The following NEXMIF variants were observed in gnomAD, a reference collection of about 807,000 sequenced individuals.
The protein encoded by NEXMIF is XLMR protein related to neurite extension.
Under a neutral mutation model 62.1 loss-of-function variants are expected in NEXMIF, and 8 were observed. The observed-to-expected ratio is 0.13, with a 90% CI of 0.08 to 0.23. The LOEUF (loss-of-function observed/expected upper bound fraction) is 0.23. Ranked by LOEUF, NEXMIF falls within the 10% of genes least tolerant of loss-of-function variation. The pLI, the probability that NEXMIF is intolerant of heterozygous loss-of-function variation, is 1.00. For missense variants in NEXMIF, 976 were observed against 1,113.3 expected (o/e 0.88, Z 1.75); for synonymous variants, 404 against 416.6 (o/e 0.97, Z 0.37).
At position 74,736,218 on chromosome X, in the gene NEXMIF, C is replaced by T. The variant is rs1306706366; in HGVS notation, c.*3187G>A. On this transcript the variant is annotated 3_prime_UTR_variant, in exon 4 of 4. Transcript: ENST00000055682. ...ATTAAAAAATTAGATTTGAAAATAG[C>T]CAAAGCAATTAAAGGCAATTAAGAA... 9.0e-6 allele frequency: 1 copy of T among 110,825 alleles called. No homozygotes were observed. The highest frequency in any genetic ancestry group is 3.3e-5 in the African/African-American group (1 of 30,524). 9.1% of individuals were successfully genotyped at this position (110,825 alleles called of 1,213,427 possible). A position where few individuals can be genotyped will look rare whatever the true frequency, so the allele number is the denominator to read the frequency against.
chrX:74,841,867 T>C (rs2080475088), intron 1 of NEXMIF, among the ~76,000 whole-genome samples: 2 of 111,765 alleles, frequency 1.8e-5, no homozygotes, highest in South Asian at 3.8e-4. Flanking sequence ...GACGTGCTGC[T>C]GGATTCGGTT....
At chrX:74,864,017 G>C (rs2080567870) in intron 1 of NEXMIF, among the ~76,000 whole-genome samples, 2 of 111,993 alleles carry the variant, frequency 1.8e-5, no homozygotes, top group African/African-American at 6.5e-5. Flanking sequence ...AAACCACATT[G>C]ATTATCTCAA....
chrX:74,834,757 TTTGA>T lies in NEXMIF; in HGVS notation c.-47-89064_-47-89061del, dbSNP rs760014754. ...TTCTTTATCCTTGACCTTTAGGAGGTTTGATTATTAGATGCCTTGAGGTAGTCTT... is the reference window on the plus strand; with the variant it reads ...TTCTTTATCCTTGACCTTTAGGAGGTTTATTAGATGCCTTGAGGTAGTCTT... On this transcript the variant is annotated intron_variant, in intron 1 of 3. Coordinates refer to ENST00000055682, the MANE Select transcript of NEXMIF (RefSeq NM_001008537.3). Among the ~76,000 whole-genome samples, 29 of 111,478 alleles carry T rather than the reference TTTGA, an allele frequency of 2.6e-4. No individual in the cohort carries two copies. The East Asian group carries it at 7.1e-3, about 27-fold the overall frequency.
At chrX:74,817,106 T>C (rs2080378470) in intron 1 of NEXMIF, among the ~76,000 whole-genome samples, 1 of 112,203 alleles carries the variant, frequency 8.9e-6, no homozygotes, top group South Asian at 3.7e-4. Flanking sequence ...GATTCAGATT[T>C]TTTTTTTAAG....
chrX:74,811,320 C>T (rs1443728247), intron 1 of NEXMIF, among the ~76,000 whole-genome samples: 3 of 111,447 alleles, frequency 2.7e-5, no homozygotes, highest in Non-Finnish European at 3.8e-5. Flanking sequence ...ATATGACTTC[C>T]CCTTCCATTT....
At chrX:74,846,028 CAAATAG>C (rs2080490854) in intron 1 of NEXMIF, among the ~76,000 whole-genome samples, 1 of 112,203 alleles carries the variant, frequency 8.9e-6, no homozygotes, top group African/African-American at 3.2e-5. Context: ...CAATAATTTT[CAAATAG>C]AAACTATTAG....
chrX:74,917,567 G>C (rs766889787), intron 1 of NEXMIF, among the ~76,000 whole-genome samples: 7 of 111,309 alleles, frequency 6.3e-5, no homozygotes, highest in Non-Finnish European at 1.1e-4. Context: ...TAGATATCCA[G>C]GATGAAATAC....
At chrX:74,834,913 C>T in intron 1 of NEXMIF, among the ~76,000 whole-genome samples, 1 of 111,521 alleles carries the variant, frequency 9.0e-6, no homozygotes. Flanking sequence ...GTTTCTCTAT[C>T]CCCCATCTAA....
intron 1 of NEXMIF, among the ~76,000 whole-genome samples, chrX:74,872,443 G>A (rs1237378865): frequency 9.4e-6 from 1 of 105,895 alleles, no homozygotes; most frequent in Non-Finnish European, 1.9e-5. Context: ...GTAGTGTGTG[G>A]GTGGGGGGTG....
intron 2 of NEXMIF, 96 bp from the exon 3 acceptor site, chrX:74,744,573 CTTA>C: frequency 3.5e-6 from 2 of 577,615 alleles, no homozygotes; most frequent in East Asian, 3.6e-5. Flanking sequence ...GGTACTTGAT[CTTA>C]TTATATAAGC....
At chrX:74,838,641 T>A (rs2080464590) in intron 1 of NEXMIF, among the ~76,000 whole-genome samples, 1 of 111,775 alleles carries the variant, frequency 8.9e-6, no homozygotes, top group Non-Finnish European at 1.9e-5. Context: ...TGTACACAGC[T>A]TTTGCTGTGC....
chrX:74,870,885 C>A (rs1245225190), intron 1 of NEXMIF, among the ~76,000 whole-genome samples: 1 of 111,900 alleles, frequency 8.9e-6, no homozygotes, highest in Non-Finnish European at 1.9e-5. Context: ...TATATTAGTA[C>A]AATCGCTATG....
intron 1 of NEXMIF, among the ~76,000 whole-genome samples, chrX:74,898,648 G>T (rs180911182): frequency 9.0e-6 from 1 of 111,582 alleles, no homozygotes; most frequent in Non-Finnish European, 1.9e-5. Flanking sequence ...GGGTATGTGG[G>T]AATTTTCTTT....
At chrX:74,745,755 A>G in intron 1 of NEXMIF, 58 bp from the exon 2 acceptor site, 3 of 543,266 alleles carry the variant, frequency 5.5e-6, no homozygotes, top group Non-Finnish European at 9.3e-6. Flanking sequence ...TGTGTTTTAT[A>G]GGTTATTTCA....
intron 1 of NEXMIF, among the ~76,000 whole-genome samples, chrX:74,796,749 C>T (rs1204743648): frequency 9.0e-6 from 1 of 111,276 alleles, no homozygotes; most frequent in Non-Finnish European, 1.9e-5. Flanking sequence ...CCCACATATA[C>T]AGCATAAATA....
intron 1 of NEXMIF, among the ~76,000 whole-genome samples, chrX:74,917,698 G>C (rs1221425205): frequency 8.9e-6 from 1 of 111,825 alleles, no homozygotes; most frequent in Non-Finnish European, 1.9e-5. Context: ...ATTGGTGCTA[G>C]AAAGAGTTCC....
chrX:74,734,441 A>G lies in NEXMIF; in HGVS notation c.*4964T>C, dbSNP rs2080080176. On this transcript the variant is annotated 3_prime_UTR_variant, in exon 4 of 4. Coordinates refer to ENST00000055682, the MANE Select transcript of NEXMIF (RefSeq NM_001008537.3). Reference sequence around the variant, plus strand: ...GAGTGAAAAACAAAAGGCCTCTTCTAGTTTTCATTCTAAGCCTTTTTTTGT... The same window carrying G: ...GAGTGAAAAACAAAAGGCCTCTTCTGGTTTTCATTCTAAGCCTTTTTTTGT... 8.9e-6 allele frequency: 1 copy of G among 112,264 alleles called. No homozygotes were observed. Among genetic ancestry groups the G allele is most frequent in the African/African-American group, 3.2e-5 (1 of 30,908 alleles). 9.3% of individuals were successfully genotyped at this position (112,264 alleles called of 1,213,427 possible). A position where few individuals can be genotyped will look rare whatever the true frequency, so the allele number is the denominator to read the frequency against.
In NEXMIF at chrX:74,740,483, C is replaced by G. The variant is rs1315310568; in HGVS notation, c.4074G>C (p.Glu1358Asp). Residue 1358 changes from glutamate (E) to aspartate (D), a missense_variant, in exon 3 of 4, where the codon GAG (glutamate) becomes GAC (aspartate). By Grantham distance (45) the Glu-to-Asp change is conservative. Coordinates refer to ENST00000055682, the MANE Select transcript of NEXMIF (RefSeq NM_001008537.3). The stretch of plus-strand genomic sequence containing the variant: ...GGGTTTTTAATTTTAGACTATTGGA[C>G]TCAGGGGAGTAGAATATGTTGGGAT... ...HGDPNIFYSP[E>D]SNSLKLKTLK... 8.3e-7 allele frequency: 1 copy of G among 1,211,460 alleles called. No individual in the cohort carries two copies. The highest frequency in any genetic ancestry group is 2.2e-5 in the Admixed American group (1 of 46,013).
chrX:74,884,296 T>A (rs986911058), intron 1 of NEXMIF, among the ~76,000 whole-genome samples: 2 of 111,475 alleles, frequency 1.8e-5, no homozygotes, highest in South Asian at 7.5e-4. Flanking sequence ...TACATAACAA[T>A]ACTAACCTTA....
Sources: allele counts gnomAD v4.1 joint callset (sites outside exome capture counted in the v4.1 genomes callset), GRCh38; gene constraint gnomAD v4.1.1; transcripts MANE v1.5; gene names NCBI Gene and HGNC (gene_info 2026-07-23, HGNC 2026-07-21).